The following CUL2 variants were observed in gnomAD, a reference collection of about 807,000 sequenced individuals.
CUL2 encodes the protein cullin 2.
CUL2 carries 22 observed loss-of-function variants against 110.2 expected under a neutral mutation model. The observed-to-expected ratio is 0.20, with a 90% CI of 0.14 to 0.28. The LOEUF is 0.28. CUL2 is among the 10% of genes least tolerant of loss of function. CUL2 has a pLI of 1.00. For synonymous variants in CUL2, 279 were observed against 293.2 expected (o/e 0.95, Z 0.49); for missense variants, 631 against 905.5 (o/e 0.70, Z 3.89).
At chr10:35,088,169 T>C (rs760412363) in intron 1 of CUL2, among the ~76,000 whole-genome samples, 1 of 152,128 alleles carries the variant, frequency 6.6e-6, no homozygotes, top group Non-Finnish European at 1.5e-5. Context: ...TTATATACTG[T>C]CTGTCTCTCC....
chr10:35,021,267 T>C (rs1030598483), intron 17 of CUL2, among the ~76,000 whole-genome samples: 18 of 151,798 alleles, frequency 1.2e-4, no homozygotes, highest in Non-Finnish European at 1.5e-5. Flanking sequence ...TCTTTCTTTT[T>C]TTTTTTTGAG....
intron 2 of CUL2, among the ~76,000 whole-genome samples, chr10:35,065,413 G>T (rs1288549536): frequency 6.6e-6 from 1 of 152,138 alleles, no homozygotes; most frequent in Non-Finnish European, 1.5e-5. Flanking sequence ...GAGGTCAGGA[G>T]ATCGAGACCA....
chr10:35,101,057 T>C (rs911920036), exon 2 of CUL2: 3 of 152,154 alleles, frequency 2.0e-5, no homozygotes, highest in African/African-American at 7.2e-5. Context: ...AGAGTGCCTC[T>C]ATCCTAGGAG....
intron 1 of CUL2, among the ~76,000 whole-genome samples, chr10:35,103,430 T>C (rs1400196409): frequency 6.8e-6 from 1 of 147,548 alleles, no homozygotes; most frequent in African/African-American, 2.5e-5. Flanking sequence ...GTTCACGCCA[T>C]TCTCCTGCCT....
At chr10:35,083,154 C>CAAAAAAAAAAAAAAAAAA (rs35028347) in intron 1 of CUL2, among the ~76,000 whole-genome samples, 1 of 111,076 alleles carries the variant, frequency 9.0e-6, no homozygotes, top group Non-Finnish European at 1.9e-5. Context: ...GACTCCATCT[C>CAAAAAAAAAAAAAAAAAA]AAAAAAAAAA....
chr10:35,077,300 A>C (rs1422610540), intron 1 of CUL2, among the ~76,000 whole-genome samples: 1 of 148,822 alleles, frequency 6.7e-6, no homozygotes, highest in African/African-American at 2.5e-5. Context: ...TCTCAAAAAA[A>C]AAAACAAAAA....
At chr10:35,116,204 G>A (rs1465022768) in intron 1 of CUL2, among the ~76,000 whole-genome samples, 1 of 151,982 alleles carries the variant, frequency 6.6e-6, no homozygotes, top group Non-Finnish European at 1.5e-5. Flanking sequence ...TTAGCCAGGT[G>A]TGGTGGCAGG....
At chr10:35,108,171 G>A (rs1049178186) in intron 1 of CUL2, among the ~76,000 whole-genome samples, 2 of 151,746 alleles carry the variant, frequency 1.3e-5, no homozygotes, top group Non-Finnish European at 2.9e-5. Context: ...AGTGACAGTA[G>A]TTTGGGCCAG....
rs2087401144 is a variant in CUL2, at chr10:35,102,807, T to TG, written c.-50-1748dup. ...CTGAGGCAGGAGAATCGCTTGAACC[T>TG]GGGGGGCGGAAGTTGCAATGAGCTG... On this transcript the variant is annotated intron_variant, in intron 1 of 5. Transcript: ENST00000685421. Among the ~76,000 whole-genome samples the TG allele has an allele frequency of 2.7e-5, 4 of 149,202 alleles. 1 individual carries two copies. In the South Asian group the frequency reaches 8.5e-4, roughly 32 times the overall value.
chr10:35,023,784 G>T (rs1209755098), intron 17 of CUL2, among the ~76,000 whole-genome samples: 1 of 151,952 alleles, frequency 6.6e-6, no homozygotes, highest in Non-Finnish European at 1.5e-5. Flanking sequence ...TAAAACCCTG[G>T]TCCAGCATTT....
In CUL2 at chr10:35,030,845, T is replaced by C. The variant is rs115947635; in HGVS notation, c.1386+455A>G. Among the ~76,000 whole-genome samples the C allele has an allele frequency of 8.3e-3, 1,253 of 151,866 alleles. 20 individuals carry two copies. Among genetic ancestry groups the C allele is most frequent in the African/African-American group, 0.027 (1,132 of 41,456 alleles). ...GAGTTAGAGTCCAGCCTGGGCAACATAGTGAGACCCTATCTCTTAAAAAAA... is the reference window on the plus strand; with the variant it reads ...GAGTTAGAGTCCAGCCTGGGCAACACAGTGAGACCCTATCTCTTAAAAAAA... On this transcript the variant is annotated intron_variant, in intron 14 of 20. Transcript: ENST00000374749.
chr10:35,048,556 T>C (rs2086010086), intron 6 of CUL2, among the ~76,000 whole-genome samples: 1 of 152,222 alleles, frequency 6.6e-6, no homozygotes, highest in Admixed American at 6.5e-5. Flanking sequence ...AAAGTTAGTA[T>C]ATTTTAGCAG....
At chr10:35,088,543 A>G (rs1284362740) in intron 1 of CUL2, among the ~76,000 whole-genome samples, 4 of 148,366 alleles carry the variant, frequency 2.7e-5, no homozygotes, top group African/African-American at 9.9e-5. Flanking sequence ...TGTCTTGTTT[A>G]CCCTTGTAAC....
At chr10:35,096,868 G>A (rs1005060783) in intron 2 of CUL2, among the ~76,000 whole-genome samples, 4 of 150,328 alleles carry the variant, frequency 2.7e-5, no homozygotes, top group African/African-American at 9.8e-5. Flanking sequence ...GGAGTGCAGT[G>A]GTGCAATCTC....
At chr10:35,097,764 C>T (rs2087319378) in intron 2 of CUL2, among the ~76,000 whole-genome samples, 1 of 151,688 alleles carries the variant, frequency 6.6e-6, no homozygotes, top group Non-Finnish European at 1.5e-5. Context: ...TTTGAGACTA[C>T]CCTGGGCAAT....
rs1554866076 is a variant in CUL2, at chr10:35,077,335, A to AC, written c.-22-5997_-22-5996insG. On this transcript the variant is annotated intron_variant, in intron 1 of 20. Coordinates refer to ENST00000374749, the MANE Select transcript of CUL2 (RefSeq NM_003591.4). ...AACAAAAACAAACAAACAAACAAAA[A>AC]AAACAAACAAAAATTAGCCGGGTGT... Among the ~76,000 whole-genome samples the AC allele has an allele frequency of 1.9e-4, 28 of 150,894 alleles. No individual in the cohort carries two copies. In the South Asian group the frequency reaches 2.1e-3, roughly 11 times the overall value.
intron 2 of CUL2, among the ~76,000 whole-genome samples, chr10:35,070,558 G>A (rs2086651542): frequency 6.6e-6 from 1 of 152,206 alleles, no homozygotes. Flanking sequence ...CAGGAAACTA[G>A]GCTTCAGGGC....
At chr10:35,084,947 G>A (rs1393227390) in intron 1 of CUL2, among the ~76,000 whole-genome samples, 1 of 151,778 alleles carries the variant, frequency 6.6e-6, no homozygotes, top group African/African-American at 2.4e-5. Flanking sequence ...GTGAAACCCC[G>A]TCTCTACTAA....
intron 1 of CUL2, among the ~76,000 whole-genome samples, chr10:35,086,909 T>A (rs540476554): frequency 6.6e-6 from 1 of 152,292 alleles, no homozygotes; most frequent in South Asian, 2.1e-4. Flanking sequence ...TTCTGCAAAG[T>A]GGGAACAATA....
Sources: gnomAD v4.1 joint callset for allele counts (sites outside exome capture counted in the v4.1 genomes callset) on GRCh38, gnomAD v4.1.1 for gene constraint, MANE v1.5 for transcripts, NCBI Gene and HGNC (gene_info 2026-07-23, HGNC 2026-07-21) for gene names.